The following STN1 variants were observed in gnomAD, a reference collection of about 807,000 sequenced individuals.
STN1 encodes CST complex subunit STN1.
Under a neutral mutation model 45.5 loss-of-function variants are expected in STN1, and 29 were observed. The ratio of observed to expected loss-of-function variants is 0.64; its 90% CI spans 0.47 to 0.87. The LOEUF (loss-of-function observed/expected upper bound fraction) is 0.87, where lower values mean the gene tolerates loss of function less well. STN1 is among the 40% of genes least tolerant of loss of function. STN1 has a pLI of 0.00. For missense variants in STN1, 376 were observed against 441.4 expected (o/e 0.85, Z 1.33); for synonymous variants, 148 against 159.0 (o/e 0.93, Z 0.52).
chr10:103,895,136 A>T (rs1421794003), intron 7 of STN1, among the ~76,000 whole-genome samples: 1 of 152,258 alleles, frequency 6.6e-6, no homozygotes, highest in Non-Finnish European at 1.5e-5. Flanking sequence ...AATGTGAGGG[A>T]CTAATTCATA....
At chr10:103,910,397 A>G (rs980162950) in intron 3 of STN1, 130 bp downstream of exon 3, 4 of 553,662 alleles carry the variant, frequency 7.2e-6, no homozygotes, top group African/African-American at 1.9e-5. Flanking sequence ...GGGGCACCCC[A>G]TAGAGAAAGT....
chr10:103,916,527 A>G (rs538170613), intron 2 of STN1, among the ~76,000 whole-genome samples: 1 of 152,362 alleles, frequency 6.6e-6, no homozygotes, highest in South Asian at 2.1e-4. Flanking sequence ...CTGGAAACAA[A>G]CAAAACCTTA....
At chr10:103,892,384 G>T in intron 7 of STN1, 132 bp from the exon 8 acceptor site, 1 of 745,266 alleles carries the variant, frequency 1.3e-6, no homozygotes, top group Non-Finnish European at 2.1e-6. Context: ...AAAGATCCTG[G>T]TATGTACCGG....
At chr10:103,886,051 C>T (rs1461173564) in intron 9 of STN1, among the ~76,000 whole-genome samples, 1 of 152,062 alleles carries the variant, frequency 6.6e-6, no homozygotes, top group African/African-American at 2.4e-5. Context: ...GGTTAAACTT[C>T]TTTAAGTCTT....
intron 7 of STN1, among the ~76,000 whole-genome samples, chr10:103,895,468 G>C (rs1843165067): frequency 6.6e-6 from 1 of 152,228 alleles, no homozygotes; most frequent in Non-Finnish European, 1.5e-5. Context: ...TTGGCTTTGA[G>C]CCGCCTCTAA....
At chr10:103,887,315 A>G (rs1843110372) in intron 9 of STN1, among the ~76,000 whole-genome samples, 1 of 152,188 alleles carries the variant, frequency 6.6e-6, no homozygotes. Flanking sequence ...TGTCAAGGAT[A>G]AATAATATGA....
Position 103,897,451 on chromosome 10 carries a change from T to A in STN1, c.753+97A>T. 2.8e-6 allele frequency: 3 copies of A among 1,090,790 alleles called. No individual in the cohort carries two copies. The East Asian group carries it at 7.1e-5, about 26-fold the overall frequency. 67.6% of individuals were successfully genotyped at this position (1,090,790 alleles called of 1,614,324 possible). A position where few individuals can be genotyped will look rare whatever the true frequency, so the allele number is the denominator to read the frequency against. On this transcript the variant is annotated intron_variant, in intron 7 of 9. Coordinates refer to ENST00000224950, the MANE Select transcript of STN1 (RefSeq NM_024928.5). ...CATTCCCTCCGTTCCCTGGGTCAAC[T>A]CTGTGAATCTTCATGCCACAGTCAC...
chr10:103,909,077 T>C (rs1843263150), intron 3 of STN1, among the ~76,000 whole-genome samples: 1 of 151,954 alleles, frequency 6.6e-6, no homozygotes, highest in African/African-American at 2.4e-5. Flanking sequence ...ATAATACCTG[T>C]ACTTTCTGTT....
rs1461910263 is a variant in STN1, at chr10:103,909,492, G to A, written c.229+1035C>T. Among the ~76,000 whole-genome samples, 79 of 41,170 alleles carry A rather than the reference G, an allele frequency of 1.9e-3. 4 individuals carry two copies. Among genetic ancestry groups the A allele is most frequent in the Admixed American group, 2.6e-3 (7 of 2,660 alleles). 27.0% of individuals were successfully genotyped at this position (41,170 alleles called of 152,430 possible). ...TATGTATATATGTATATATATGTGT[G>A]TGTGTATATGTATATATGTATATAT... On this transcript the variant is annotated intron_variant, in intron 3 of 9. Transcript: ENST00000224950.
At chr10:103,892,396 C>T in intron 7 of STN1, 144 bp from the exon 8 acceptor site, 2 of 675,444 alleles carry the variant, frequency 3.0e-6, no homozygotes, top group Non-Finnish European at 4.7e-6. Context: ...ATGTACCGGC[C>T]TAGCAGGATG....
chr10:103,896,867 T>G (rs1024296322), intron 7 of STN1, among the ~76,000 whole-genome samples: 8 of 152,104 alleles, frequency 5.3e-5, no homozygotes, highest in Non-Finnish European at 7.4e-5. Flanking sequence ...TGCTTAATAT[T>G]TGAGTAGAAA....
chr10:103,882,607 C>A lies in STN1; in HGVS notation c.*77G>T. ...CTGCCTCCAGACAGATAAGCCCCTG[C>A]ATGATGCTGAAAGTCAGAGCCTGGG... On this transcript the variant is annotated 3_prime_UTR_variant, in exon 10 of 10. Transcript: ENST00000224950. 1 of 1,451,832 alleles carries A rather than the reference C, an allele frequency of 6.9e-7. No homozygotes were observed. The highest frequency in any genetic ancestry group is 9.3e-7 in the Non-Finnish European group (1 of 1,070,872). 89.9% of individuals were successfully genotyped at this position (1,451,832 alleles called of 1,614,324 possible).
At chr10:103,914,245 T>G (rs985475595) in intron 2 of STN1, among the ~76,000 whole-genome samples, 9 of 150,778 alleles carry the variant, frequency 6.0e-5, no homozygotes, top group African/African-American at 2.2e-4. Flanking sequence ...GAGTCACTAT[T>G]ATTTAACCCA....
intron 8 of STN1, 58 bp from the exon 9 acceptor site, chr10:103,889,202 C>A: frequency 9.3e-7 from 1 of 1,069,752 alleles, no homozygotes; most frequent in South Asian, 1.3e-5. Flanking sequence ...GCAGTTGTGT[C>A]ATCCAGACTT....
rs1038056645 is a variant in STN1 at position 103,913,692 on chromosome 10, A to G, written c.134-3070T>C. ...ATTAGAGAGCCATTTTCTTGTATCAAAGTGATCTTCTATAAGAAGAGAGCT... is the reference window on the plus strand; with the variant it reads ...ATTAGAGAGCCATTTTCTTGTATCAGAGTGATCTTCTATAAGAAGAGAGCT... On this transcript the variant is annotated intron_variant, in intron 2 of 9. Transcript: ENST00000224950. 3.9e-5 allele frequency among the ~76,000 whole-genome samples: 6 copies of G among 152,176 alleles called. No homozygotes were observed. The East Asian group carries it at 1.2e-3, about 29-fold the overall frequency.
chr10:103,917,391 C>T lies in STN1; in HGVS notation c.133+71G>A, dbSNP rs1843340776. ...AAGGCTCTCCTAAAAGCCTCTAATC[C>T]CAGCTTTCTGAGACTTTGGGAAAGG... On this transcript the variant is annotated intron_variant, in intron 2 of 9. Transcript: ENST00000224950. The T allele has an allele frequency of 6.0e-6, 9 of 1,504,838 alleles. No individual in the cohort carries two copies. The South Asian group carries it at 1.1e-4, about 19-fold the overall frequency. The allele number at this position is 1,504,838 out of a possible 1,614,324, so 93.2% of individuals were successfully genotyped here. A position where few individuals can be genotyped will look rare whatever the true frequency, so the allele number is the denominator to read the frequency against.
intron 5 of STN1, 78 bp downstream of exon 5, chr10:103,899,984 G>T: frequency 7.1e-7 from 1 of 1,414,420 alleles, no homozygotes; most frequent in South Asian, 1.3e-5. Context: ...TTGAAAGTTT[G>T]ACTTCCAGCT....
chr10:103,899,125 T>G, intron 5 of STN1, 125 bp from the exon 6 acceptor site: 1 of 952,236 alleles, frequency 1.1e-6, no homozygotes, highest in Non-Finnish European at 1.6e-6. Flanking sequence ...TCCTTCCTTG[T>G]GAGTGCCCAG....
intron 3 of STN1, among the ~76,000 whole-genome samples, chr10:103,909,486 ATGTGTGTG>A (rs747279816): frequency 0.052 from 2,753 of 52,870 alleles, 230 homozygotes; most frequent in Non-Finnish European, 0.077. Context: ...ATGTATATAT[ATGTGTGTG>A]TGTATATGTA....
Sources: allele counts gnomAD v4.1 joint callset (sites outside exome capture counted in the v4.1 genomes callset), GRCh38; gene constraint gnomAD v4.1.1; transcripts MANE v1.5; gene names NCBI Gene and HGNC (gene_info 2026-07-23, HGNC 2026-07-21).